Variants in CC2D2A observed in about 807,000 individuals in gnomAD.
CC2D2A encodes the protein coiled-coil and C2 domain-containing protein 2A.
In CC2D2A, 155 loss-of-function variants were observed where a neutral mutation model predicts 212.9. That is an observed-to-expected ratio of 0.73 (90% CI 0.64 to 0.83). CC2D2A has a LOEUF of 0.83. CC2D2A is among the 40% of genes least tolerant of loss of function. The pLI is 0.00. For missense variants in CC2D2A, 1,856 were observed against 1,956.2 expected (o/e 0.95, Z 0.97); for synonymous variants, 667 against 686.5 (o/e 0.97, Z 0.44).
Position 15,589,568 on chromosome 4 carries a change from T to C in CC2D2A, c.4203T>C (p.Thr1401=). The C allele has an allele frequency of 6.2e-7, 1 of 1,612,664 alleles. No individual in the cohort carries two copies. Among genetic ancestry groups the C allele is most frequent in the Non-Finnish European group, 8.5e-7 (1 of 1,179,122 alleles). ...AGGGTCCAACTGCCTATGTGCTAAC[T>C]TGGGAGCAAGGTCGTTATTTAATAT... ...IPEGPTAYVL[T]WEQGRYLIWN... Residue 1401 remains threonine (T), a synonymous_variant, in exon 33 of 37, where the codon ACT becomes ACC. Transcript: ENST00000424120.
At chr4:15,599,171 T>C (rs1006059733) in intron 35 of CC2D2A, among the ~76,000 whole-genome samples, 4 of 152,112 alleles carry the variant, frequency 2.6e-5, no homozygotes, top group Non-Finnish European at 5.9e-5. Context: ...TAAAAAAAAT[T>C]AGTAATAATA....
At chr4:15,583,687 C>T (rs1452986862) in intron 30 of CC2D2A, among the ~76,000 whole-genome samples, 1 of 152,160 alleles carries the variant, frequency 6.6e-6, no homozygotes, top group Admixed American at 6.5e-5. Flanking sequence ...TGGTGGCTCA[C>T]GCCTGTAATC....
At chr4:15,550,204 C>A (rs1718925010) in intron 17 of CC2D2A, among the ~76,000 whole-genome samples, 1 of 152,162 alleles carries the variant, frequency 6.6e-6, no homozygotes, top group Non-Finnish European at 1.5e-5. Context: ...GTGATGGCAT[C>A]ATAATGAGAC....
At chr4:15,474,251 C>T (rs577942580) in intron 1 of CC2D2A, among the ~76,000 whole-genome samples, 6 of 152,288 alleles carry the variant, frequency 3.9e-5, no homozygotes, top group African/African-American at 1.4e-4. Flanking sequence ...AAGAAAGTAT[C>T]TCAAAAGAAG....
In CC2D2A at chr4:15,469,917, T is replaced by G. The variant is rs934367736; in HGVS notation, c.-159T>G. 1 of 152,048 alleles carries G rather than the reference T, an allele frequency of 6.6e-6. No homozygotes were observed. Among genetic ancestry groups the G allele is most frequent in the Non-Finnish European group, 1.5e-5 (1 of 68,018 alleles). 9.4% of individuals were successfully genotyped at this position (152,048 alleles called of 1,614,324 possible). A position where few individuals can be genotyped will look rare whatever the true frequency, so the allele number is the denominator to read the frequency against. On this transcript the variant is annotated 5_prime_UTR_variant, in exon 1 of 37. Transcript: ENST00000424120. ...TTTTGCTCCAAGACATGGCTGCAGC[T>G]TCCCAGGGAGGAGCCCAGGGGCATC...
intron 16 of CC2D2A, among the ~76,000 whole-genome samples, chr4:15,539,849 T>G (rs1040624571): frequency 1.3e-5 from 2 of 152,214 alleles, no homozygotes; most frequent in Non-Finnish European, 2.9e-5. Context: ...GAAGTGTCCT[T>G]TATTAAAAAA....
chr4:15,598,208 C>G (rs1003305866), intron 35 of CC2D2A, among the ~76,000 whole-genome samples: 4 of 152,130 alleles, frequency 2.6e-5, no homozygotes, highest in South Asian at 2.1e-4. Flanking sequence ...TTTATTTCTC[C>G]AATATTAAAA....
chr4:15,545,242 G>T (rs1031802154), intron 17 of CC2D2A, among the ~76,000 whole-genome samples: 6 of 152,176 alleles, frequency 3.9e-5, no homozygotes, highest in African/African-American at 1.4e-4. Context: ...ATCTGTTAAT[G>T]CCAATGCTAT....
intron 6 of CC2D2A, among the ~76,000 whole-genome samples, chr4:15,503,322 A>T (rs2108999267): frequency 6.6e-6 from 1 of 152,282 alleles, no homozygotes; most frequent in African/African-American, 2.4e-5. Context: ...TAATTACAAT[A>T]GCTACTATTT....
At chr4:15,518,631 A>C (rs1018578766) in intron 11 of CC2D2A, among the ~76,000 whole-genome samples, 2 of 152,212 alleles carry the variant, frequency 1.3e-5, no homozygotes, top group African/African-American at 4.8e-5. Context: ...CCCTGCAGCA[A>C]ACTTCTGCCT....
intron 11 of CC2D2A, among the ~76,000 whole-genome samples, chr4:15,525,760 G>A (rs1421155642): frequency 6.6e-6 from 1 of 152,192 alleles, no homozygotes; most frequent in Non-Finnish European, 1.5e-5. Context: ...ACAACAAAGA[G>A]AAAAGGAACT....
At chr4:15,576,496 T>C (rs1720414743) in intron 29 of CC2D2A, 1 of 263,728 alleles carries the variant, frequency 3.8e-6, no homozygotes, top group African/African-American at 2.3e-5. Flanking sequence ...AACTCTTATT[T>C]TAATATCACT....
At position 15,578,787 on chromosome 4, in the gene CC2D2A, GGTTTGTTT is replaced by G. The variant is rs566721631; in HGVS notation, c.3772-1156_3772-1149del. Among the ~76,000 whole-genome samples the G allele has an allele frequency of 1.5e-3, 206 of 142,032 alleles. 2 individuals are homozygous for G. Among genetic ancestry groups the G allele is most frequent in the African/African-American group, 4.9e-3 (188 of 38,460 alleles). 93.2% of individuals were successfully genotyped at this position (142,032 alleles called of 152,430 possible). On this transcript the variant is annotated intron_variant, in intron 29 of 36. Transcript: ENST00000424120. Reference sequence around the variant, plus strand: ...ACTACAAGCACGCATCACTACACCTGGTTTGTTTGTTTGTTTGTTTGTTTGTTTGTTTT... The same window carrying G: ...ACTACAAGCACGCATCACTACACCTGGTTTGTTTGTTTGTTTGTTTGTTTT...
At chr4:15,487,858 T>A (rs1715089467) in intron 4 of CC2D2A, among the ~76,000 whole-genome samples, 1 of 151,462 alleles carries the variant, frequency 6.6e-6, no homozygotes, top group Non-Finnish European at 1.5e-5. Context: ...AAATAACATC[T>A]TATAACCAGT....
chr4:15,473,525 T>C (rs538490468), intron 1 of CC2D2A, among the ~76,000 whole-genome samples: 3 of 152,298 alleles, frequency 2.0e-5, no homozygotes, highest in African/African-American at 4.8e-5. Flanking sequence ...ACAGGGCTTG[T>C]AGGCCTTGGA....
Position 15,601,287 on chromosome 4 carries a change from T to C in CC2D2A, c.4725T>C (p.Ile1575=). ...CTTATTCTGAAGTGAAGCCTTTAAT[T>C]GACGCTGTGTATAGTACTGGAGTAC... ...HMPYSEVKPL[I]DAVYSTGVHN... The change falls in exon 37 of 37, where the codon ATT becomes ATC. Residue 1575 remains isoleucine, a synonymous_variant. Transcript: ENST00000424120. 1 of 1,613,078 alleles carries C rather than the reference T, an allele frequency of 6.2e-7. No homozygotes were observed. Among genetic ancestry groups the C allele is most frequent in the Non-Finnish European group, 8.5e-7 (1 of 1,179,372 alleles).
intron 17 of CC2D2A, among the ~76,000 whole-genome samples, 195 bp downstream of exon 17, chr4:15,541,209 C>T (rs771965095): frequency 3.3e-5 from 5 of 151,752 alleles, no homozygotes; most frequent in Non-Finnish European, 7.4e-5. Flanking sequence ...ATCCCAGCTA[C>T]TCGGGAGGCT....
chr4:15,536,021 C>G (rs1391814910), intron 14 of CC2D2A, among the ~76,000 whole-genome samples: 1 of 152,130 alleles, frequency 6.6e-6, no homozygotes, highest in Non-Finnish European at 1.5e-5. Flanking sequence ...AATATGGCCA[C>G]AATATCTTTT....
At chr4:15,510,069 C>G in intron 6 of CC2D2A, 70 bp from the exon 7 acceptor site, 1 of 1,179,206 alleles carries the variant, frequency 8.5e-7, no homozygotes. Flanking sequence ...GGGGGGTTAA[C>G]CTTCATTTTA....
Sources: gnomAD v4.1 joint callset for allele counts (sites outside exome capture counted in the v4.1 genomes callset) on GRCh38, gnomAD v4.1.1 for gene constraint, MANE v1.5 for transcripts, NCBI Gene and HGNC (gene_info 2026-07-23, HGNC 2026-07-21) for gene names.